Variants in ADAMTSL5 observed in about 807,000 individuals in gnomAD.
ADAMTSL5 encodes the protein ADAMTS like 5.
Under a neutral mutation model 51.7 loss-of-function variants are expected in ADAMTSL5, and 53 were observed. That is an observed-to-expected ratio of 1.03 (90% CI 0.82 to 1.29). The LOEUF (loss-of-function observed/expected upper bound fraction) is 1.29. Among genes scored for constraint, ADAMTSL5 ranks in the 50% most tolerant of loss-of-function variants. The pLI is 0.00. For missense variants in ADAMTSL5, 770 were observed against 676.2 expected (o/e 1.14, Z -1.54); for synonymous variants, 285 against 278.7 (o/e 1.02, Z -0.23).
rs776357441 is a variant in ADAMTSL5, at chr19:1,507,221, C to T, written c.852+21G>A. 5.9e-6 allele frequency: 9 copies of T among 1,525,628 alleles called. No individual in the cohort carries two copies. The East Asian group carries it at 2.0e-4, about 35-fold the overall frequency. 94.5% of individuals were successfully genotyped at this position (1,525,628 alleles called of 1,614,324 possible). ...TGTCCCCAGCCGACCCCCTCTGACCCTGTTGGAGGCCCAGTGGCACCTGTA... is the reference window on the plus strand; with the variant it reads ...TGTCCCCAGCCGACCCCCTCTGACCTTGTTGGAGGCCCAGTGGCACCTGTA... On this transcript the variant is annotated intron_variant, in intron 9 of 11. Coordinates refer to ENST00000330475, the MANE Select transcript of ADAMTSL5 (RefSeq NM_213604.3).
chr19:1,505,844 T>C lies in ADAMTSL5; in HGVS notation c.*171A>G. ...GCCTGCCGGCTTGTGACAGTGGCTT[T>C]GACTGCATGCAGAGGTGTCTTAAGC... On this transcript the variant is annotated 3_prime_UTR_variant, in exon 12 of 12. Coordinates refer to ENST00000330475, the MANE Select transcript of ADAMTSL5 (RefSeq NM_213604.3). 1.2e-6 allele frequency: 1 copy of C among 814,678 alleles called. No homozygotes were observed. Among genetic ancestry groups the C allele is most frequent in the East Asian group, 3.1e-5 (1 of 31,838 alleles). The allele number at this position is 814,678 out of a possible 1,614,324, so 50.5% of individuals were successfully genotyped here. A position where few individuals can be genotyped will look rare whatever the true frequency, so the allele number is the denominator to read the frequency against.
In ADAMTSL5 at chr19:1,508,533, C is replaced by T. The variant is rs779671905; in HGVS notation, c.399G>A (p.Gly133=). 1 of 1,582,114 alleles carries T rather than the reference C, an allele frequency of 6.3e-7. No homozygotes were observed. Residue 133 remains glycine, a synonymous_variant, in exon 6 of 12, where the codon GGG becomes GGA. Coordinates refer to ENST00000330475, the MANE Select transcript of ADAMTSL5 (RefSeq NM_213604.3). ...GGCCGAAGCTGTGGTAGAAGGCGTG[C>T]CCCTCAGCCAGGCAGTTGAGGTCGC... The part of the protein sequence containing the change: ...NQCDLNCLAE[G]HAFYHSFGRV...
At chr19:1,510,459 C>G (rs761622293) in intron 3 of ADAMTSL5, 31 bp from the exon 4 acceptor site, 1 of 1,582,336 alleles carries the variant, frequency 6.3e-7, no homozygotes, top group East Asian at 2.3e-5. Flanking sequence ...GCGAGAACCC[C>G]CAGGGACCCC....
At chr19:1,512,525 C>T (rs927994991) in intron 1 of ADAMTSL5, among the ~76,000 whole-genome samples, 4 of 152,160 alleles carry the variant, frequency 2.6e-5, no homozygotes, top group African/African-American at 9.7e-5. Context: ...TACTAAAACA[C>T]AAAAATTAGC....
intron 1 of ADAMTSL5, among the ~76,000 whole-genome samples, chr19:1,512,400 G>A (rs1005556782): frequency 1.3e-5 from 2 of 151,988 alleles, no homozygotes; most frequent in Non-Finnish European, 2.9e-5. Flanking sequence ...GGGGAGGGGG[G>A]CCAGGTGCGG....
chr19:1,512,697 C>CA (rs947010551), intron 1 of ADAMTSL5, among the ~76,000 whole-genome samples: 10 of 150,336 alleles, frequency 6.7e-5, no homozygotes, highest in South Asian at 2.1e-4. Flanking sequence ...ACCAACCAAC[C>CA]AAAAAAAACA....
At position 1,507,587 on chromosome 19, in the gene ADAMTSL5, G is replaced by A; in HGVS notation, c.658C>T (p.Arg220Cys). 6.2e-7 allele frequency: 1 copy of A among 1,613,494 alleles called. No homozygotes were observed. The highest frequency in any genetic ancestry group is 1.1e-5 in the South Asian group (1 of 91,084). ...TLIPEGARHI[R>C]VEHRSRNHLA... ...TGGTTGCGGCTCCTGTGTTCCACGC[G>A]GATGTGTCTGGCGCCCTCGGGGATC... is the stretch of plus-strand genomic sequence containing the variant. The change falls in exon 8 of 12, where the codon CGC becomes TGC. Residue 220 changes from arginine to cysteine, a missense_variant. Transcript: ENST00000330475.
chr19:1,506,110 C>T lies in ADAMTSL5; in HGVS notation c.1321G>A (p.Asp441Asn). The change falls in exon 12 of 12, where the codon GAC becomes AAC. Residue 441 changes from aspartate (D) to asparagine (N), a missense_variant. Transcript: ENST00000330475. This position sits in a 1 kb window ranked among gnomAD's most constrained non-coding sequence, Gnocchi z 5.6. ...QRLVSPDGTQ[D>N]QLLLPHAGYA... ...CCGGCGTGGGGCAGCAGCAGCTGGT[C>T]CTGTGTGCCGTCGGGGCTGACAAGA... 1 of 1,606,918 alleles carries T rather than the reference C, an allele frequency of 6.2e-7. No individual in the cohort carries two copies. Among genetic ancestry groups the T allele is most frequent in the Non-Finnish European group, 8.5e-7 (1 of 1,178,092 alleles).
rs572071034 is a variant in ADAMTSL5 at position 1,505,998 on chromosome 19, G to A, written c.*17C>T. On this transcript the variant is annotated 3_prime_UTR_variant, in exon 12 of 12. Transcript: ENST00000330475. ...TGTATCTTTCTTGCTGTGTGTGGCC[G>A]GGGCTCCTGCAGGGGCTCAGCCAGG... is the stretch of plus-strand genomic sequence containing the variant. The A allele has an allele frequency of 6.6e-6, 10 of 1,525,676 alleles. No homozygotes were observed. The highest frequency in any genetic ancestry group is 2.5e-5 in the South Asian group (2 of 80,206). The allele number at this position is 1,525,676 out of a possible 1,614,324, so 94.5% of individuals were successfully genotyped here.
At chr19:1,507,112 C>G in intron 9 of ADAMTSL5, 130 bp downstream of exon 9, 1 of 1,329,590 alleles carries the variant, frequency 7.5e-7, no homozygotes, top group South Asian at 1.5e-5. Flanking sequence ...ATGCTCTGTC[C>G]CAGCCTCTCC....
intron 1 of ADAMTSL5, chr19:1,511,654 C>T (rs1472554656): frequency 8.7e-7 from 1 of 1,146,292 alleles, no homozygotes. Context: ...CCAGCCACTC[C>T]ACTCTCCCAG....
At chr19:1,509,163 G>A (rs1024051844) in intron 5 of ADAMTSL5, among the ~76,000 whole-genome samples, 2 of 142,426 alleles carry the variant, frequency 1.4e-5, no homozygotes, top group Admixed American at 1.5e-4. Flanking sequence ...GCTGAGGCAG[G>A]AGAATCGCTT....
chr19:1,511,633 G>A lies in ADAMTSL5; in HGVS notation c.-217-473C>T, dbSNP rs768531818. On this transcript the variant is annotated intron_variant, in intron 1 of 11. Transcript: ENST00000330475. ...ACCATCACTGCTTCTACCTTTCCGT[G>A]TGGCCTGAGGCCAGCCACTCCACTC... 3.6e-5 allele frequency: 45 copies of A among 1,261,408 alleles called. No homozygotes were observed. In the South Asian group the frequency reaches 5.5e-4, roughly 15 times the overall value. 78.1% of individuals were successfully genotyped at this position (1,261,408 alleles called of 1,614,324 possible). A position where few individuals can be genotyped will look rare whatever the true frequency, so the allele number is the denominator to read the frequency against.
rs751276838 is a variant in ADAMTSL5 at position 1,506,635 on chromosome 19, G to T, written c.1069C>A (p.Arg357Ser). Residue 357 changes from arginine to serine, a missense_variant, in exon 11 of 12, where the codon CGC becomes AGC. Coordinates refer to ENST00000330475, the MANE Select transcript of ADAMTSL5 (RefSeq NM_213604.3). This position sits in a 1 kb window ranked among gnomAD's most constrained non-coding sequence, Gnocchi z 5.6. ...TGGAGTAGTCGGTGGGCGCGGCCGC[G>T]GGTGTCAGGGCAGGGTGGGCAGGGG... ...PDPCPPCPDT[R>S]GRAHRLLHYC... is the part of the protein sequence containing the mutation. 6.2e-7 allele frequency: 1 copy of T among 1,610,400 alleles called. No individual in the cohort carries two copies.
In ADAMTSL5 at chr19:1,511,631, G is replaced by A. The variant is rs535231144; in HGVS notation, c.-217-471C>T. On this transcript the variant is annotated intron_variant, in intron 1 of 11. Transcript: ENST00000330475. ...CCACCATCACTGCTTCTACCTTTCCGTGTGGCCTGAGGCCAGCCACTCCAC... is the reference window on the plus strand; with the variant it reads ...CCACCATCACTGCTTCTACCTTTCCATGTGGCCTGAGGCCAGCCACTCCAC... 2.9e-4 allele frequency: 358 copies of A among 1,238,920 alleles called. 1 individual carries two copies. The highest frequency in any genetic ancestry group is 2.6e-3 in the Middle Eastern group (12 of 4,628). 76.7% of individuals were successfully genotyped at this position (1,238,920 alleles called of 1,614,324 possible). A position where few individuals can be genotyped will look rare whatever the true frequency, so the allele number is the denominator to read the frequency against.
rs554848415 is a variant in ADAMTSL5, at chr19:1,506,417, C to T, written c.1115-101G>A. The stretch of plus-strand genomic sequence containing the variant: ...AGGGACTGAGGGTCAGGTGGGACCT[C>T]GGGATCTATAGGGACTAGAGTCAGG... On this transcript the variant is annotated intron_variant, in intron 11 of 11. Coordinates refer to ENST00000330475, the MANE Select transcript of ADAMTSL5 (RefSeq NM_213604.3). The surrounding 1 kb of genome is among the most constrained non-coding windows in gnomAD (Gnocchi z 5.6). 6.8e-6 allele frequency: 10 copies of T among 1,471,846 alleles called. No individual in the cohort carries two copies. Among genetic ancestry groups the T allele is most frequent in the East Asian group, 4.9e-5 (2 of 40,980 alleles). The allele number at this position is 1,471,846 out of a possible 1,614,324, so 91.2% of individuals were successfully genotyped here.
At chr19:1,511,797 C>A in intron 1 of ADAMTSL5, 1 of 331,988 alleles carries the variant, frequency 3.0e-6, no homozygotes, top group Non-Finnish European at 6.1e-6. Context: ...CAGCTGCACC[C>A]CGGCCCCAGG....
rs36059319 is a variant in ADAMTSL5 at position 1,505,369 on chromosome 19, G to GA, written c.*645dup. The GA allele has an allele frequency of 0.38, 52,607 of 137,536 alleles. 9,690 individuals are homozygous for GA. The highest frequency in any genetic ancestry group is 0.53 in the Middle Eastern group (144 of 272). The allele number at this position is 137,536 out of a possible 1,614,324, so 8.5% of individuals were successfully genotyped here. A position where few individuals can be genotyped will look rare whatever the true frequency, so the allele number is the denominator to read the frequency against. On this transcript the variant is annotated 3_prime_UTR_variant, in exon 12 of 12. Coordinates refer to ENST00000330475, the MANE Select transcript of ADAMTSL5 (RefSeq NM_213604.3). ...GGTGACAGAGCAAGGGTCTACCTCA[G>GA]AAAAAAAAAAAAAGGAGGAGCAAGC...
Position 1,506,625 on chromosome 19 carries a change from G to A in ADAMTSL5, c.1079C>T (p.Ala360Val), listed in dbSNP as rs1912938737. 6.2e-7 allele frequency: 1 copy of A among 1,611,288 alleles called. No homozygotes were observed. The highest frequency in any genetic ancestry group is 1.3e-5 in the African/African-American group (1 of 74,662). Reference sequence around the variant, plus strand: ...GCCGCAATAGTGGAGTAGTCGGTGGGCGCGGCCGCGGGTGTCAGGGCAGGG... The same window carrying A: ...GCCGCAATAGTGGAGTAGTCGGTGGACGCGGCCGCGGGTGTCAGGGCAGGG... ...CPPCPDTRGR[A>V]HRLLHYCGSD... Residue 360 changes from alanine (A) to valine (V), a missense_variant, in exon 11 of 12, where the codon GCC becomes GTC. By Grantham distance (64) the Ala-to-Val change is moderately conservative. Transcript: ENST00000330475. This position sits in a 1 kb window ranked among gnomAD's most constrained non-coding sequence, Gnocchi z 5.6.
Sources: gnomAD v4.1 joint callset for allele counts (sites outside exome capture counted in the v4.1 genomes callset) on GRCh38, gnomAD v4.1.1 for gene constraint, Gnocchi (gnomAD v3.1) non-coding constraint, MANE v1.5 for transcripts, NCBI Gene and HGNC (gene_info 2026-07-23, HGNC 2026-07-21) for gene names.